OR51B5: variants seen among roughly 807,000 people sequenced by gnomAD.
OR51B5 encodes olfactory receptor 51B5.
For missense variants in OR51B5, 456 were observed against 374.6 expected, an observed-to-expected ratio of 1.22 and a Z score of -1.79; for synonymous variants, 186 against 144.8, an observed-to-expected ratio of 1.28 and a Z score of -2.04.
intron 1 of OR51B5, chr11:5,454,636 A>G (rs1253295160): frequency 4.8e-6 from 2 of 417,020 alleles, no homozygotes; most frequent in Non-Finnish European, 8.5e-6. Context: ...AAAGATAAAT[A>G]TTGGGGGCAA....
chr11:5,505,626 T>C (rs891372799), exon 1 of OR51B5: 2 of 468,442 alleles, frequency 4.3e-6, no homozygotes, highest in South Asian at 2.4e-5. Flanking sequence ...AGTCACATCC[T>C]ACTGGAATGG....
chr11:5,342,466 T>C, downstream of OR51B5: 1 of 1,235,240 alleles, frequency 8.1e-7, no homozygotes. Context: ...CTTGAAGCTG[T>C]ATTTTAACAC....
chr11:5,449,749 T>C (rs147092838), intron 1 of OR51B5, among the ~76,000 whole-genome samples: 1,735 of 152,294 alleles, frequency 0.011, 17 homozygotes, highest in Non-Finnish European at 0.015. Flanking sequence ...GGTCACAACC[T>C]ATCCCATGAC....
chr11:5,385,746 T>G (rs1204010137), intron 1 of OR51B5, among the ~76,000 whole-genome samples: 3 of 143,286 alleles, frequency 2.1e-5, no homozygotes, highest in African/African-American at 7.9e-5. Context: ...TTTTTGTATA[T>G]TTGTTTACAT....
chr11:5,365,515 T>C (rs963898768), intron 1 of OR51B5, among the ~76,000 whole-genome samples: 1 of 152,130 alleles, frequency 6.6e-6, no homozygotes, highest in Non-Finnish European at 1.5e-5. Flanking sequence ...ATGCACAGGA[T>C]AGGATATGGC....
intron 1 of OR51B5, among the ~76,000 whole-genome samples, chr11:5,382,416 C>T (rs1849622326): frequency 6.6e-6 from 1 of 152,160 alleles, no homozygotes; most frequent in Non-Finnish European, 1.5e-5. Flanking sequence ...ATATAATTGC[C>T]ATGTCCATCT....
chr11:5,484,864 C>T (rs1214112444), intron 1 of OR51B5, among the ~76,000 whole-genome samples: 2 of 152,142 alleles, frequency 1.3e-5, no homozygotes, highest in Non-Finnish European at 2.9e-5. Flanking sequence ...TTATTATGGG[C>T]AATGTGAGAA....
upstream of OR51B5, among the ~76,000 whole-genome samples, chr11:5,348,099 A>T (rs1270390112): frequency 6.6e-6 from 1 of 151,654 alleles, no homozygotes; most frequent in Non-Finnish European, 1.5e-5. Flanking sequence ...GAGAAAAGTA[A>T]TAGTGTTGTC....
chr11:5,464,300 A>T (rs1323757348), intron 1 of OR51B5, among the ~76,000 whole-genome samples: 1 of 152,186 alleles, frequency 6.6e-6, no homozygotes, highest in East Asian at 1.9e-4. Flanking sequence ...ATAATTTTTT[A>T]ATTATACTTT....
At chr11:5,364,247 A>G (rs1439441264) in intron 1 of OR51B5, among the ~76,000 whole-genome samples, 1 of 152,212 alleles carries the variant, frequency 6.6e-6, no homozygotes, top group East Asian at 1.9e-4. Context: ...AAAGTTTGAC[A>G]TAGTTAGATG....
intron 1 of OR51B5, among the ~76,000 whole-genome samples, chr11:5,401,966 T>TC (rs1464498016): frequency 6.6e-6 from 1 of 151,166 alleles, no homozygotes; most frequent in Non-Finnish European, 1.5e-5. Context: ...TTTCCTTCCT[T>TC]CTTTCCTCCT....
chr11:5,472,984 G>A (rs1352634947), intron 1 of OR51B5, among the ~76,000 whole-genome samples: 1 of 152,158 alleles, frequency 6.6e-6, no homozygotes, highest in East Asian at 1.9e-4. Flanking sequence ...CTCAGTTTTG[G>A]CAAGCTGATA....
At chr11:5,447,105 C>A (rs2201872) in intron 1 of OR51B5, among the ~76,000 whole-genome samples, 73,671 of 152,060 alleles carry the variant, frequency 0.48, 19,387 homozygotes, top group Non-Finnish European at 0.59. Context: ...CCTAGGAGAT[C>A]ATGTATCTCA....
At chr11:5,408,162 A>G (rs1850088224) in intron 1 of OR51B5, among the ~76,000 whole-genome samples, 1 of 152,132 alleles carries the variant, frequency 6.6e-6, no homozygotes, top group African/African-American at 2.4e-5. Flanking sequence ...ATTAGCTTTC[A>G]CTGTTTACAG....
At chr11:5,446,325 A>G (rs1850763411) in intron 1 of OR51B5, among the ~76,000 whole-genome samples, 1 of 152,132 alleles carries the variant, frequency 6.6e-6, no homozygotes, top group Non-Finnish European at 1.5e-5. Context: ...GAAATCAAGG[A>G]TAATAAAATA....
At chr11:5,476,439 G>A (rs932782974) in intron 1 of OR51B5, among the ~76,000 whole-genome samples, 1 of 152,150 alleles carries the variant, frequency 6.6e-6, no homozygotes, top group African/African-American at 2.4e-5. Context: ...ATGCCTGTTT[G>A]TATCATACTC....
At chr11:5,453,407 C>A in intron 1 of OR51B5, 2 of 999,082 alleles carry the variant, frequency 2.0e-6, no homozygotes, top group South Asian at 1.9e-5. Context: ...CTCCTGATTT[C>A]TTGTCCTCCA....
intron 1 of OR51B5, among the ~76,000 whole-genome samples, chr11:5,497,098 C>A (rs554972819): frequency 6.6e-6 from 1 of 151,888 alleles, no homozygotes; most frequent in East Asian, 1.9e-4. Flanking sequence ...AGAAGGAATT[C>A]TTTGATCTTG....
intron 1 of OR51B5, among the ~76,000 whole-genome samples, chr11:5,378,219 C>T (rs1202813847): frequency 6.6e-6 from 1 of 151,930 alleles, no homozygotes; most frequent in African/African-American, 2.4e-5. Flanking sequence ...GAAAGGATTC[C>T]CTATTTAATA....
Sources: gnomAD v4.1 joint callset for allele counts (sites outside exome capture counted in the v4.1 genomes callset) on GRCh38, gnomAD v4.1.1 for gene constraint, MANE v1.5 for transcripts, NCBI Gene and HGNC (gene_info 2026-07-23, HGNC 2026-07-21) for gene names.